The following FRMD4B variants were observed in gnomAD, a reference collection of about 807,000 sequenced individuals.
FRMD4B encodes the protein FERM domain containing 4B, also known as FERM domain-containing protein 4B.
In FRMD4B, 74 loss-of-function variants were observed where a neutral mutation model predicts 141.5. The ratio of observed to expected loss-of-function variants is 0.52; its 90% CI spans 0.43 to 0.63. The LOEUF is 0.63. Ranked by LOEUF, FRMD4B falls within the 30% of genes least tolerant of loss-of-function variation. The pLI, the probability that FRMD4B is intolerant of heterozygous loss-of-function variation, is 0.00. For missense variants in FRMD4B, 1,366 were observed against 1,253.4 expected, an observed-to-expected ratio of 1.09 and a Z score of -1.36; for synonymous variants, 506 against 467.9, an observed-to-expected ratio of 1.08 and a Z score of -1.05.
chr3:69,402,417 T>C (rs1575789132), intron 2 of FRMD4B, among the ~76,000 whole-genome samples: 1 of 152,162 alleles, frequency 6.6e-6, no homozygotes, highest in African/African-American at 2.4e-5. Flanking sequence ...CTTAACATAA[T>C]AGATTTCCTT....
chr3:69,199,204 G>A (rs62255546), intron 11 of FRMD4B: 16,436 of 162,234 alleles, frequency 0.1, 865 homozygotes, highest in Non-Finnish European at 0.12. Flanking sequence ...CCCGGGAGGC[G>A]GAGGTTGCAG....
chr3:69,392,466 C>T (rs992989167), intron 2 of FRMD4B, among the ~76,000 whole-genome samples: 2 of 151,826 alleles, frequency 1.3e-5, no homozygotes, highest in African/African-American at 4.8e-5. Flanking sequence ...AGAAGGATCC[C>T]ATATTTGTAG....
chr3:69,170,483 A>ACAAAT lies in FRMD4B; in HGVS notation c.*1373_*1377dup, dbSNP rs1413992338. 1 of 152,178 alleles carries ACAAAT rather than the reference A, an allele frequency of 6.6e-6. No individual in the cohort carries two copies. Among genetic ancestry groups the ACAAAT allele is most frequent in the African/African-American group, 2.4e-5 (1 of 41,434 alleles). 9.4% of individuals were successfully genotyped at this position (152,178 alleles called of 1,614,324 possible). A position where few individuals can be genotyped will look rare whatever the true frequency, so the allele number is the denominator to read the frequency against. ...ATACAAATGACTAAGGACCAGTTTA[A>ACAAAT]CAAATCGTTTTTATGTATATATTAC... On this transcript the variant is annotated 3_prime_UTR_variant, in exon 23 of 23. Transcript: ENST00000398540.
intron 1 of FRMD4B, among the ~76,000 whole-genome samples, chr3:69,515,950 C>T (rs1700750940): frequency 2.6e-5 from 4 of 152,132 alleles, no homozygotes; most frequent in Admixed American, 2.6e-4. Flanking sequence ...ATAGCCATGT[C>T]TTGGCCGGTT....
At chr3:69,528,052 T>C (rs1700955097) in intron 1 of FRMD4B, among the ~76,000 whole-genome samples, 1 of 152,208 alleles carries the variant, frequency 6.6e-6, no homozygotes, top group African/African-American at 2.4e-5. Context: ...TACAAGAAGA[T>C]AGAATCTCAT....
intron 3 of FRMD4B, 129 bp from the exon 4 acceptor site, chr3:69,302,564 A>T (rs999539662): frequency 3.1e-6 from 2 of 636,060 alleles, no homozygotes; most frequent in East Asian, 5.5e-5. Flanking sequence ...ACCTGTTACA[A>T]CTGGTAATGA....
At chr3:69,379,559 C>T (rs1221379503) in intron 1 of FRMD4B, among the ~76,000 whole-genome samples, 2 of 152,172 alleles carry the variant, frequency 1.3e-5, no homozygotes, top group African/African-American at 4.8e-5. Flanking sequence ...ATTATAGGCA[C>T]GAGGTGCCAC....
intron 2 of FRMD4B, among the ~76,000 whole-genome samples, chr3:69,406,976 G>A (rs1483875828): frequency 2.8e-5 from 4 of 142,240 alleles, no homozygotes; most frequent in African/African-American, 5.3e-5. Flanking sequence ...TCAAACTCCT[G>A]ACTTCAAGGG....
intron 2 of FRMD4B, among the ~76,000 whole-genome samples, chr3:69,393,200 TG>T (rs1286194317): frequency 1.3e-5 from 2 of 152,062 alleles, no homozygotes; most frequent in Admixed American, 1.3e-4. Context: ...ATTTCACTCC[TG>T]GGGGTGTAGG....
At chr3:69,499,683 C>G (rs1706460678) in intron 1 of FRMD4B, among the ~76,000 whole-genome samples, 1 of 151,794 alleles carries the variant, frequency 6.6e-6, no homozygotes. Context: ...CTGCAGAGAG[C>G]AGGAAGACAG....
At chr3:69,276,295 C>A (rs552478097) in intron 5 of FRMD4B, among the ~76,000 whole-genome samples, 1 of 152,236 alleles carries the variant, frequency 6.6e-6, no homozygotes, top group Non-Finnish European at 1.5e-5. Flanking sequence ...TTGAGACAGA[C>A]AGGGTCTTAC....
At chr3:69,287,634 A>C (rs1700730806) in intron 5 of FRMD4B, 118 bp downstream of exon 5, 1 of 666,832 alleles carries the variant, frequency 1.5e-6, no homozygotes, top group Admixed American at 2.6e-5. Context: ...TTCATGGAAA[A>C]GATTGTGGCC....
chr3:69,227,029 G>GT (rs1340371107), intron 7 of FRMD4B, among the ~76,000 whole-genome samples: 5 of 152,112 alleles, frequency 3.3e-5, no homozygotes, highest in Admixed American at 6.5e-5. Flanking sequence ...AGAAATAGCT[G>GT]TGTGTTTCAA....
In FRMD4B at chr3:69,171,731, A is replaced by T; in HGVS notation, c.*130T>A. 1.2e-6 allele frequency: 1 copy of T among 856,590 alleles called. No individual in the cohort carries two copies. Among genetic ancestry groups the T allele is most frequent in the Non-Finnish European group, 1.9e-6 (1 of 539,686 alleles). 53.1% of individuals were successfully genotyped at this position (856,590 alleles called of 1,614,324 possible). The stretch of plus-strand genomic sequence containing the variant: ...TGATTCACTGATTCACTTCCAGGGC[A>T]ACTAAGTCTTCTCTTCAACCTTTGA... On this transcript the variant is annotated 3_prime_UTR_variant, in exon 23 of 23. Transcript: ENST00000398540.
chr3:69,215,731 C>A (rs1395171103), intron 11 of FRMD4B, among the ~76,000 whole-genome samples: 3 of 152,122 alleles, frequency 2.0e-5, no homozygotes, highest in Non-Finnish European at 4.4e-5. Context: ...TCACTAGCAC[C>A]AAAACTTTTG....
At chr3:69,233,132 A>G (rs1003292694) in intron 7 of FRMD4B, among the ~76,000 whole-genome samples, 1 of 151,996 alleles carries the variant, frequency 6.6e-6, no homozygotes, top group Non-Finnish European at 1.5e-5. Flanking sequence ...TGTATATTAA[A>G]TATAATATCC....
chr3:69,274,400 C>T (rs150129276), intron 5 of FRMD4B, among the ~76,000 whole-genome samples: 76 of 152,316 alleles, frequency 5.0e-4, no homozygotes, highest in African/African-American at 1.8e-3. Context: ...TGCACCTCCT[C>T]CGTAGCTGGC....
chr3:69,226,717 T>C (rs1024527000), intron 7 of FRMD4B, among the ~76,000 whole-genome samples: 40 of 152,204 alleles, frequency 2.6e-4, no homozygotes, highest in African/African-American at 7.2e-4. Flanking sequence ...TAAATTTATT[T>C]ATTCAGTTAA....
chr3:69,440,631 C>A (rs1192311377), intron 1 of FRMD4B, among the ~76,000 whole-genome samples: 1 of 152,076 alleles, frequency 6.6e-6, no homozygotes, highest in African/African-American at 2.4e-5. Flanking sequence ...GTGGGGAAAA[C>A]CCATCTCTAC....
Sources: gnomAD v4.1 joint callset for allele counts (sites outside exome capture counted in the v4.1 genomes callset) on GRCh38, gnomAD v4.1.1 for gene constraint, MANE v1.5 for transcripts, NCBI Gene and HGNC (gene_info 2026-07-23, HGNC 2026-07-21) for gene names.